Variants in TRIM40 observed in about 807,000 individuals in gnomAD.
TRIM40 encodes E3 ubiquitin ligase TRIM40.
In TRIM40, 27 loss-of-function variants were observed where a neutral mutation model predicts 26.1. The observed-to-expected ratio is 1.04, with a 90% CI of 0.76 to 1.43. TRIM40 has a LOEUF of 1.43. Ranked by LOEUF, TRIM40 falls within the 40% of genes most tolerant of loss-of-function variation. The probability of loss-of-function intolerance (pLI) is 0.00; values close to 1 mark genes in which losing one functional copy is unlikely to be tolerated. For missense variants in TRIM40, 289 were observed against 307.9 expected (o/e 0.94, Z 0.46); for synonymous variants, 114 against 120.0 (o/e 0.95, Z 0.33).
intron 2 of TRIM40, among the ~76,000 whole-genome samples, chr6:30,144,676 T>A (rs892266790): frequency 6.6e-6 from 1 of 152,028 alleles, no homozygotes; most frequent in Non-Finnish European, 1.5e-5. Context: ...CTCAGGTGAC[T>A]TTGGAGAGAG....
chr6:30,136,785 A>C lies in TRIM40; in HGVS notation c.-252A>C. 2 of 535,304 alleles carry C rather than the reference A, an allele frequency of 3.7e-6. No homozygotes were observed. Among genetic ancestry groups the C allele is most frequent in the Non-Finnish European group, 3.3e-6 (1 of 302,770 alleles). 33.2% of individuals were successfully genotyped at this position (535,304 alleles called of 1,614,324 possible). A position where few individuals can be genotyped will look rare whatever the true frequency, so the allele number is the denominator to read the frequency against. The stretch of plus-strand genomic sequence containing the variant: ...CAAACACAAGGAAACCGCAGGGTCC[A>C]TGTCAAAGCTGATGAGCTATTTCTG... On this transcript the variant is annotated 5_prime_UTR_variant, in exon 2 of 6. The change abolishes an upstream ATG in the 5' untranslated region. Transcript: ENST00000396581.
At chr6:30,138,716 T>C (rs2857440) in intron 2 of TRIM40, among the ~76,000 whole-genome samples, 31,297 of 152,172 alleles carry the variant, frequency 0.21, 3,551 homozygotes, top group East Asian at 0.27. Context: ...CCCCTGACCC[T>C]AATCCAGTTA....
chr6:30,148,611 C>T lies in TRIM40; in HGVS notation c.*799C>T, dbSNP rs1230556600. Reference sequence around the variant, plus strand: ...CTTCCCCAACTGAGCCGGATAAGAACCTAGTCCAGCCAACACCTTGATTAT... The same window carrying T: ...CTTCCCCAACTGAGCCGGATAAGAATCTAGTCCAGCCAACACCTTGATTAT... On this transcript the variant is annotated 3_prime_UTR_variant, in exon 6 of 6. Coordinates refer to ENST00000396581, the MANE Select transcript of TRIM40 (RefSeq NM_001286633.2). 6.6e-6 allele frequency: 1 copy of T among 152,230 alleles called. No individual in the cohort carries two copies. Among genetic ancestry groups the T allele is most frequent in the African/African-American group, 2.4e-5 (1 of 41,438 alleles). 9.4% of individuals were successfully genotyped at this position (152,230 alleles called of 1,614,324 possible). A position where few individuals can be genotyped will look rare whatever the true frequency, so the allele number is the denominator to read the frequency against.
intron 3 of TRIM40, 73 bp from the exon 4 acceptor site, chr6:30,146,911 CA>C: frequency 7.0e-7 from 1 of 1,431,172 alleles, no homozygotes; most frequent in South Asian, 1.3e-5. Context: ...CATTCCTGCT[CA>C]GACATTCAGA....
In TRIM40 at chr6:30,147,206, G is replaced by A; in HGVS notation, c.663G>A (p.Leu221=). ...CCAAGGAATTAGACACCAACACACT[G>A]AAGGTGCATACCCTGAGGCCTTCCC... ...RTAKELDTNT[L]KNAGDLLNRS... is the part of the protein sequence containing the mutation. The change falls in exon 4 of 6, where the codon CTG becomes CTA. Residue 221 remains leucine (L), a synonymous_variant. Transcript: ENST00000396581. 6.2e-7 allele frequency: 1 copy of A among 1,614,194 alleles called. No homozygotes were observed. Among genetic ancestry groups the A allele is most frequent in the Non-Finnish European group, 8.5e-7 (1 of 1,180,030 alleles).
chr6:30,145,180 C>CGA (rs962913633), intron 2 of TRIM40, among the ~76,000 whole-genome samples: 1 of 150,360 alleles, frequency 6.7e-6, no homozygotes, highest in African/African-American at 2.4e-5. Context: ...ACCTGTACAT[C>CGA]TCCAAAATCT....
At chr6:30,144,390 A>C (rs1771526067) in intron 2 of TRIM40, among the ~76,000 whole-genome samples, 1 of 152,194 alleles carries the variant, frequency 6.6e-6, no homozygotes, top group Non-Finnish European at 1.5e-5. Flanking sequence ...TTGAGCTGCC[A>C]ACAGGGCAGT....
At chr6:30,145,940 A>T in intron 2 of TRIM40, 54 bp from the exon 3 acceptor site, 3 of 1,446,866 alleles carry the variant, frequency 2.1e-6, no homozygotes, top group Non-Finnish European at 2.9e-6. Context: ...GACTCCTCCC[A>T]GTGGGTGCCC....
intron 2 of TRIM40, among the ~76,000 whole-genome samples, chr6:30,144,164 C>A (rs1258424084): frequency 6.6e-6 from 1 of 152,002 alleles, no homozygotes; most frequent in African/African-American, 2.4e-5. Context: ...TCCTGGGGCA[C>A]CTTGGATGCT....
At chr6:30,140,284 G>A (rs1771268171) in intron 2 of TRIM40, among the ~76,000 whole-genome samples, 1 of 152,062 alleles carries the variant, frequency 6.6e-6, no homozygotes, top group Non-Finnish European at 1.5e-5. Context: ...TGTTTATTGT[G>A]GCATGGTTCA....
rs938363704 is a variant in TRIM40 at position 30,147,357 on chromosome 6, A to G, written c.666+148A>G. 9 of 1,351,044 alleles carry G rather than the reference A, an allele frequency of 6.7e-6. No individual in the cohort carries two copies. The Admixed American group carries it at 1.6e-4, about 24-fold the overall frequency. 83.7% of individuals were successfully genotyped at this position (1,351,044 alleles called of 1,614,324 possible). A position where few individuals can be genotyped will look rare whatever the true frequency, so the allele number is the denominator to read the frequency against. On this transcript the variant is annotated intron_variant, in intron 4 of 5. Transcript: ENST00000396581. The stretch of plus-strand genomic sequence containing the variant: ...AGATGTGGCTTGTTCCAGGCTACAG[A>G]GTGCTGCTGCAGCAGAATGGGCACA...
intron 2 of TRIM40, 31 bp downstream of exon 2, chr6:30,137,412 C>T (rs1250274856): frequency 3.1e-6 from 5 of 1,587,772 alleles, no homozygotes; most frequent in Non-Finnish European, 4.3e-6. Context: ...CCAGGCCCTG[C>T]CTCCACCTCG....
At chr6:30,139,429 C>T (rs142511943) in intron 2 of TRIM40, among the ~76,000 whole-genome samples, 2,409 of 149,976 alleles carry the variant, frequency 0.016, 71 homozygotes, top group South Asian at 0.13. Flanking sequence ...CTGCAACCTC[C>T]GTCTCCCAGG....
intron 2 of TRIM40, 99 bp from the exon 3 acceptor site, chr6:30,145,895 G>T (rs2127426570): frequency 2.4e-6 from 2 of 825,198 alleles, no homozygotes; most frequent in Non-Finnish European, 4.1e-6. Flanking sequence ...TACATTAGTT[G>T]CATTCTGGGA....
In TRIM40 at chr6:30,138,504, C is replaced by G. The variant is rs56908820; in HGVS notation, c.345+1123C>G. On this transcript the variant is annotated intron_variant, in intron 2 of 5. Coordinates refer to ENST00000396581, the MANE Select transcript of TRIM40 (RefSeq NM_001286633.2). Reference sequence around the variant, plus strand: ...CCATATATGCATATTTTCTTGCATACTGCCTTGATTCTTTGTGCTGTTCTA... The same window carrying G: ...CCATATATGCATATTTTCTTGCATAGTGCCTTGATTCTTTGTGCTGTTCTA... Among the ~76,000 whole-genome samples the G allele has an allele frequency of 8.7e-3, 1,320 of 152,262 alleles. 7 individuals are homozygous for G. Among genetic ancestry groups the G allele is most frequent in the Middle Eastern group, 0.027 (8 of 294 alleles).
intron 3 of TRIM40, among the ~76,000 whole-genome samples, chr6:30,146,599 G>T (rs566557425): frequency 6.6e-6 from 1 of 152,216 alleles, no homozygotes; most frequent in South Asian, 2.1e-4. Flanking sequence ...TTTTAGTAGA[G>T]ATGGGGTTTC....
intron 5 of TRIM40, 70 bp downstream of exon 5, chr6:30,147,612 C>G (rs1771748578): frequency 6.2e-7 from 1 of 1,612,888 alleles, no homozygotes. Flanking sequence ...GCACAGAGGT[C>G]AAGGAGACCC....
chr6:30,138,519 G>A (rs2857439), intron 2 of TRIM40, among the ~76,000 whole-genome samples: 28,449 of 151,872 alleles, frequency 0.19, 3,083 homozygotes, highest in East Asian at 0.24. Context: ...TTGATTCTTT[G>A]TGCTGTTCTA....
rs150838666 is a variant in TRIM40 at position 30,147,184 on chromosome 6, A to G, written c.641A>G (p.Lys214Arg). Residue 214 changes from lysine (K) to arginine (R), a missense_variant, in exon 4 of 6, where the codon AAG becomes AGG. Lys to Arg is a conservative substitution (Grantham distance 26, BLOSUM62 2). Coordinates refer to ENST00000396581, the MANE Select transcript of TRIM40 (RefSeq NM_001286633.2). ...SLVIDLERTAKELDTNTLKNA... is the reference protein window; with the variant it reads ...SLVIDLERTARELDTNTLKNA... ...GTCATTGATCTGGAAAGGACGGCCA[A>G]GGAATTAGACACCAACACACTGAAG... The G allele has an allele frequency of 1.1e-5, 17 of 1,614,138 alleles. No individual in the cohort carries two copies. The highest frequency in any genetic ancestry group is 1.3e-5 in the African/African-American group (1 of 74,954).
Sources: gnomAD v4.1 joint callset for allele counts (sites outside exome capture counted in the v4.1 genomes callset) on GRCh38, gnomAD v4.1.1 for gene constraint, MANE v1.5 for transcripts, NCBI Gene and HGNC (gene_info 2026-07-23, HGNC 2026-07-21) for gene names.